The following DLGAP1 variants were observed in gnomAD, a reference collection of about 807,000 sequenced individuals.
DLGAP1 encodes the protein DLG associated protein 1.
In DLGAP1, 11 loss-of-function variants were observed where a neutral mutation model predicts 90.8. The observed-to-expected ratio is 0.12, with a 90% CI of 0.08 to 0.20. The LOEUF is 0.20. Among genes scored for constraint, DLGAP1 ranks in the 10% least tolerant of loss-of-function variants. The pLI is 1.00. For missense variants in DLGAP1, 1,050 were observed against 1,333.8 expected (o/e 0.79, Z 3.31); for synonymous variants, 558 against 540.7 (o/e 1.03, Z -0.44).
chr18:3,768,953 G>A (rs1243834080), intron 5 of DLGAP1, among the ~76,000 whole-genome samples: 4 of 152,128 alleles, frequency 2.6e-5, no homozygotes, highest in African/African-American at 9.7e-5. Flanking sequence ...CTTTAGCTCT[G>A]TGAAATACCT....
At chr18:4,289,891 C>G (rs2079804046) in intron 1 of DLGAP1, among the ~76,000 whole-genome samples, 1 of 152,056 alleles carries the variant, frequency 6.6e-6, no homozygotes, top group African/African-American at 2.4e-5. Context: ...TTTATGCACC[C>G]AATTACAACA....
chr18:4,103,334 A>G (rs2075809435), intron 2 of DLGAP1, among the ~76,000 whole-genome samples: 1 of 152,174 alleles, frequency 6.6e-6, no homozygotes, highest in Admixed American at 6.5e-5. Context: ...TATGTATAAT[A>G]TATCACAAAA....
intron 1 of DLGAP1, among the ~76,000 whole-genome samples, chr18:4,216,298 C>G (rs2077954421): frequency 6.6e-6 from 1 of 151,896 alleles, no homozygotes. Flanking sequence ...ATTACCCCCC[C>G]CCCACCAGGT....
At chr18:4,295,855 C>T (rs1004159845) in intron 1 of DLGAP1, among the ~76,000 whole-genome samples, 1 of 152,170 alleles carries the variant, frequency 6.6e-6, no homozygotes, top group Admixed American at 6.5e-5. Context: ...TCCTGAAAGG[C>T]CTCCAGCTAT....
chr18:3,903,874 TGTTA>T (rs1219223021), intron 3 of DLGAP1, among the ~76,000 whole-genome samples: 9 of 152,222 alleles, frequency 5.9e-5, no homozygotes, highest in African/African-American at 2.2e-4. Flanking sequence ...AAGGCAGCAA[TGTTA>T]GTAACATTAG....
chr18:4,007,189 G>A lies in DLGAP1; in HGVS notation c.-158-1988C>T, dbSNP rs540277818. On this transcript the variant is annotated intron_variant, in intron 2 of 12. Coordinates refer to ENST00000315677, the MANE Select transcript of DLGAP1 (RefSeq NM_004746.4). ...CCAGGGAATAATTATGGGCTTTGGA[G>A]CCCAGGGCAGAGGCAGGGCTTCTTG... is the stretch of plus-strand genomic sequence containing the variant. Among the ~76,000 whole-genome samples the A allele has an allele frequency of 2.0e-5, 3 of 152,166 alleles. No individual in the cohort carries two copies. The South Asian group carries it at 6.2e-4, about 32-fold the overall frequency.
At chr18:3,598,710 T>C (rs2145680770) in intron 7 of DLGAP1, among the ~76,000 whole-genome samples, 1 of 152,238 alleles carries the variant, frequency 6.6e-6, no homozygotes, top group Admixed American at 6.5e-5. Flanking sequence ...TCAAGCGATC[T>C]GCCTGCCTTG....
chr18:4,316,696 G>C (rs1261276453), intron 1 of DLGAP1, among the ~76,000 whole-genome samples: 2 of 152,170 alleles, frequency 1.3e-5, no homozygotes, highest in Non-Finnish European at 2.9e-5. Context: ...TATGTGCAGG[G>C]AGGATTTAAG....
chr18:3,953,294 T>C (rs893086444), intron 3 of DLGAP1, among the ~76,000 whole-genome samples: 3 of 152,170 alleles, frequency 2.0e-5, no homozygotes, highest in South Asian at 2.1e-4. Context: ...ATAGTGACCA[T>C]TGCATGCAAT....
intron 1 of DLGAP1, among the ~76,000 whole-genome samples, chr18:4,249,210 A>G (rs1173894762): frequency 2.6e-5 from 4 of 152,202 alleles, no homozygotes; most frequent in African/African-American, 9.6e-5. Context: ...GAACTACATG[A>G]GGACAAATTT....
At chr18:4,266,470 G>A (rs779003210) in intron 1 of DLGAP1, among the ~76,000 whole-genome samples, 14 of 152,184 alleles carry the variant, frequency 9.2e-5, no homozygotes, top group African/African-American at 2.2e-4. Flanking sequence ...CTAGATCAAC[G>A]GGGAGCACAG....
rs1196615088 is a variant in DLGAP1, at chr18:3,734,614, C to CA, written c.1351-5240dup. 3.9e-5 allele frequency among the ~76,000 whole-genome samples: 6 copies of CA among 152,246 alleles called. No homozygotes were observed. The East Asian group carries it at 1.2e-3, about 29-fold the overall frequency. On this transcript the variant is annotated intron_variant, in intron 6 of 12. Coordinates refer to ENST00000315677, the MANE Select transcript of DLGAP1 (RefSeq NM_004746.4). Reference sequence around the variant, plus strand: ...TAGCTCAGTTTTTGCTGCTCTATGTCAAGAATGATACTGTGCTGTTTTGAT... The same window carrying CA: ...TAGCTCAGTTTTTGCTGCTCTATGTCAAAGAATGATACTGTGCTGTTTTGAT...
intron 2 of DLGAP1, among the ~76,000 whole-genome samples, chr18:4,058,701 T>C (rs8087500): frequency 0.15 from 22,404 of 152,230 alleles, 1,913 homozygotes; most frequent in Middle Eastern, 0.25. Flanking sequence ...GTATTCCTCT[T>C]GTTTTCTCCC....
chr18:4,070,723 A>G (rs1363229394), intron 2 of DLGAP1, among the ~76,000 whole-genome samples: 4 of 152,074 alleles, frequency 2.6e-5, no homozygotes, highest in Non-Finnish European at 5.9e-5. Context: ...AAAAGGTTGG[A>G]TCCACAAAGA....
At chr18:3,827,158 G>C (rs934946710) in intron 4 of DLGAP1, among the ~76,000 whole-genome samples, 1 of 152,072 alleles carries the variant, frequency 6.6e-6, no homozygotes, top group African/African-American at 2.4e-5. Flanking sequence ...TCTAAGACTG[G>C]GGCTTCAGGG....
intron 5 of DLGAP1, among the ~76,000 whole-genome samples, chr18:3,743,586 C>T (rs2063146982): frequency 6.6e-6 from 1 of 151,968 alleles, no homozygotes; most frequent in South Asian, 2.1e-4. Flanking sequence ...GATCTCCTGA[C>T]CTCGTGATCC....
intron 5 of DLGAP1, among the ~76,000 whole-genome samples, chr18:3,746,376 C>T (rs2063271385): frequency 6.6e-6 from 1 of 151,482 alleles, no homozygotes; most frequent in Non-Finnish European, 1.5e-5. Context: ...ATAAAGAAGG[C>T]CTAAAGAAAT....
At chr18:4,123,712 A>C (rs764851197) in intron 2 of DLGAP1, among the ~76,000 whole-genome samples, 9 of 152,178 alleles carry the variant, frequency 5.9e-5, no homozygotes, top group Admixed American at 4.6e-4. Flanking sequence ...CGAATACAAA[A>C]AGCGGAGGGC....
At chr18:3,742,555 A>G (rs1033690124) in intron 5 of DLGAP1, 43 bp from the exon 6 acceptor site, 4 of 1,606,434 alleles carry the variant, frequency 2.5e-6, no homozygotes, top group East Asian at 2.2e-5. Context: ...CACATTCCAA[A>G]ATGCAGGAAG....
Sources: gnomAD v4.1 joint callset for allele counts (sites outside exome capture counted in the v4.1 genomes callset) on GRCh38, gnomAD v4.1.1 for gene constraint, MANE v1.5 for transcripts, NCBI Gene and HGNC (gene_info 2026-07-23, HGNC 2026-07-21) for gene names.